The following AOAH variants were observed in gnomAD, a reference collection of about 807,000 sequenced individuals.
AOAH encodes the protein acyloxyacyl hydrolase.
Under a neutral mutation model 92.2 loss-of-function variants are expected in AOAH, and 64 were observed. The ratio of observed to expected loss-of-function variants is 0.69; its 90% CI spans 0.57 to 0.86. The LOEUF (loss-of-function observed/expected upper bound fraction) is 0.86, where lower values mean the gene tolerates loss of function less well. Ranked by LOEUF, AOAH falls within the 40% of genes least tolerant of loss-of-function variation. AOAH has a pLI of 0.00. For synonymous variants in AOAH, 263 were observed against 254.5 expected (o/e 1.03, Z -0.32); for missense variants, 656 against 694.6 (o/e 0.94, Z 0.62).
At chr7:36,686,568 A>G in intron 2 of AOAH, 131 bp downstream of exon 2, 1 of 478,760 alleles carries the variant, frequency 2.1e-6, no homozygotes, top group Non-Finnish European at 3.5e-6. Flanking sequence ...GCCCCACAAG[A>G]ATATCAACCC....
At chr7:36,637,973 C>T (rs1380141999) in intron 4 of AOAH, 63 bp from the exon 5 acceptor site, 6 of 1,350,596 alleles carry the variant, frequency 4.4e-6, no homozygotes, top group Admixed American at 1.8e-5. Flanking sequence ...TACATCTTTT[C>T]TAAAATTAGG....
chr7:36,715,359 TG>T (rs1363550881), intron 1 of AOAH, among the ~76,000 whole-genome samples: 2 of 152,194 alleles, frequency 1.3e-5, no homozygotes, highest in Non-Finnish European at 1.5e-5. Context: ...TCCATGCTCA[TG>T]GGTAGGAAGA....
chr7:36,638,862 A>G (rs995252295), intron 4 of AOAH, among the ~76,000 whole-genome samples: 2 of 152,228 alleles, frequency 1.3e-5, no homozygotes, highest in African/African-American at 4.8e-5. Flanking sequence ...TTCTTAAAAT[A>G]TTGAAAGACT....
At chr7:36,694,177 T>G in intron 1 of AOAH, among the ~76,000 whole-genome samples, 1 of 152,256 alleles carries the variant, frequency 6.6e-6, no homozygotes, top group South Asian at 2.1e-4. Flanking sequence ...AGTTACTATT[T>G]TACTTAGCAA....
At chr7:36,567,101 C>T (rs763349532) in intron 13 of AOAH, among the ~76,000 whole-genome samples, 3 of 152,164 alleles carry the variant, frequency 2.0e-5, no homozygotes, top group South Asian at 2.1e-4. Context: ...CGTGAGCCAC[C>T]GTGCCTGGCC....
chr7:36,647,663 G>T (rs1162472348), intron 4 of AOAH, among the ~76,000 whole-genome samples: 2 of 152,112 alleles, frequency 1.3e-5, no homozygotes, highest in East Asian at 3.9e-4. Context: ...CCCCAAATCA[G>T]TCTTAATACA....
At chr7:36,660,956 A>C (rs1795184815) in intron 3 of AOAH, 1 of 152,228 alleles carries the variant, frequency 6.6e-6, no homozygotes, top group Non-Finnish European at 1.5e-5. Flanking sequence ...ATTTTGAAGC[A>C]AATTATTGAT....
chr7:36,701,672 A>G lies in AOAH; in HGVS notation c.128-14878T>C, dbSNP rs73344093. Among the ~76,000 whole-genome samples the G allele has an allele frequency of 8.0e-3, 1,217 of 151,430 alleles. 13 individuals are homozygous for G. The highest frequency in any genetic ancestry group is 0.028 in the African/African-American group (1,162 of 41,310). On this transcript the variant is annotated intron_variant, in intron 1 of 20. Transcript: ENST00000617537. ...ATGTTTTTCCATCCTTTTATTTTCAACCTATTGTGTGTTTGAGTCTAAAAG... is the reference window on the plus strand; with the variant it reads ...ATGTTTTTCCATCCTTTTATTTTCAGCCTATTGTGTGTTTGAGTCTAAAAG...
intron 1 of AOAH, among the ~76,000 whole-genome samples, chr7:36,704,626 C>A (rs917728680): frequency 5.9e-5 from 9 of 152,148 alleles, no homozygotes; most frequent in Admixed American, 5.9e-4. Context: ...AGAGGGACTC[C>A]TCCCTAACTC....
chr7:36,522,341 A>T (rs1784149490), intron 19 of AOAH, among the ~76,000 whole-genome samples: 1 of 152,206 alleles, frequency 6.6e-6, no homozygotes, highest in Non-Finnish European at 1.5e-5. Context: ...AGAGCATTGG[A>T]TGAATGTGGT....
At position 36,548,616 on chromosome 7, in the gene AOAH, T is replaced by C. The variant is rs972321824; in HGVS notation, c.1129A>G (p.Ser377Gly). 6.2e-7 allele frequency: 1 copy of C among 1,613,348 alleles called. No individual in the cohort carries two copies. The highest frequency in any genetic ancestry group is 8.5e-7 in the Non-Finnish European group (1 of 1,179,408). ...TACTTTTTCTCAATAACTCACCCAC[T>C]GCAGACATCATTTCCAATCATGGCA... ...IYAMIGNDVC[S>G]GKSDPVPAMT... Residue 377 changes from serine (S) to glycine (G), a missense_variant, in exon 15 of 21, where the codon AGT (serine) becomes GGT (glycine). Coordinates refer to ENST00000617537, the MANE Select transcript of AOAH (RefSeq NM_001637.4).
At chr7:36,701,771 A>G (rs1798050749) in intron 1 of AOAH, among the ~76,000 whole-genome samples, 1 of 151,952 alleles carries the variant, frequency 6.6e-6, no homozygotes, top group Non-Finnish European at 1.5e-5. Flanking sequence ...CGTTGATTGA[A>G]GTGTGCAGTT....
At chr7:36,709,453 T>C (rs759676542) in intron 1 of AOAH, among the ~76,000 whole-genome samples, 21 of 152,208 alleles carry the variant, frequency 1.4e-4, no homozygotes, top group Non-Finnish European at 2.9e-4. Flanking sequence ...TCTCAATTCA[T>C]TGTATGCCAC....
chr7:36,634,114 A>T (rs1202582914), intron 5 of AOAH, among the ~76,000 whole-genome samples: 3 of 152,322 alleles, frequency 2.0e-5, no homozygotes, highest in South Asian at 2.1e-4. Context: ...GAGACTTAGT[A>T]GCTGACTAAG....
intron 11 of AOAH, among the ~76,000 whole-genome samples, chr7:36,610,126 CTT>C (rs68170280): frequency 1.1e-5 from 1 of 89,438 alleles, no homozygotes; most frequent in African/African-American, 4.7e-5. Context: ...TTTCTTTTTT[CTT>C]TTTTTTTTTA....
At chr7:36,548,952 C>T (rs1327468709) in intron 14 of AOAH, among the ~76,000 whole-genome samples, 1 of 152,196 alleles carries the variant, frequency 6.6e-6, no homozygotes, top group Non-Finnish European at 1.5e-5. Flanking sequence ...GGTAAATAGA[C>T]ACAATGCTAT....
At chr7:36,532,782 T>C (rs1784776213) in intron 16 of AOAH, among the ~76,000 whole-genome samples, 1 of 152,114 alleles carries the variant, frequency 6.6e-6, no homozygotes, top group South Asian at 2.1e-4. Flanking sequence ...CTAATCCCCT[T>C]TTCTAGGTTT....
At chr7:36,602,737 T>C (rs961762639) in intron 11 of AOAH, among the ~76,000 whole-genome samples, 2 of 152,180 alleles carry the variant, frequency 1.3e-5, no homozygotes, top group African/African-American at 2.4e-5. Context: ...GGGATGTGGG[T>C]AGTTTTTCTT....
intron 4 of AOAH, 128 bp downstream of exon 4, chr7:36,659,038 G>A (rs1409443449): frequency 1.3e-6 from 1 of 769,184 alleles, no homozygotes; most frequent in African/African-American, 1.7e-5. Context: ...CGGGGTAATT[G>A]AAAATGTCAT....
Sources: gnomAD v4.1 joint callset for allele counts (sites outside exome capture counted in the v4.1 genomes callset) on GRCh38, gnomAD v4.1.1 for gene constraint, MANE v1.5 for transcripts, NCBI Gene and HGNC (gene_info 2026-07-23, HGNC 2026-07-21) for gene names.